The following CLYBL variants were observed in gnomAD, a reference collection of about 807,000 sequenced individuals.
The protein encoded by CLYBL is citramalyl-CoA lyase.
Under a neutral mutation model 38.9 loss-of-function variants are expected in CLYBL, and 31 were observed. The observed-to-expected ratio is 0.80, with a 90% confidence interval of 0.60 to 1.08. The LOEUF is 1.08. Ranked by LOEUF, CLYBL falls within the 50% of genes least tolerant of loss-of-function variation. The probability of loss-of-function intolerance (pLI) is 0.00; values close to 1 mark genes in which losing one functional copy is unlikely to be tolerated. For synonymous variants in CLYBL, 171 were observed against 158.6 expected (o/e 1.08, Z -0.59); for missense variants, 434 against 411.6 (o/e 1.05, Z -0.47).
chr13:99,813,122 C>G (rs1245173505), intron 2 of CLYBL, among the ~76,000 whole-genome samples: 1 of 151,976 alleles, frequency 6.6e-6, no homozygotes, highest in Non-Finnish European at 1.5e-5. Flanking sequence ...AATGGTGAAC[C>G]ATTTTTATTT....
chr13:99,717,436 GAAAAA>G (rs1172721313), intron 1 of CLYBL, among the ~76,000 whole-genome samples: 65 of 91,112 alleles, frequency 7.1e-4, no homozygotes, highest in African/African-American at 2.5e-3. Context: ...AAAAAAATTA[GAAAAA>G]AAAAAAAAAA....
chr13:99,636,377 C>A (rs573739903), intron 1 of CLYBL, among the ~76,000 whole-genome samples: 1 of 152,264 alleles, frequency 6.6e-6, no homozygotes, highest in South Asian at 2.1e-4. Flanking sequence ...GAAAGGTCAC[C>A]TGTTAGCTCC....
chr13:99,740,167 C>T (rs775547840), intron 1 of CLYBL, among the ~76,000 whole-genome samples: 4 of 152,138 alleles, frequency 2.6e-5, no homozygotes, highest in Non-Finnish European at 4.4e-5. Flanking sequence ...GAAATTTGTA[C>T]GTGCCCAGGA....
At chr13:99,863,531 GAGA>G (rs1321198424) in intron 4 of CLYBL, among the ~76,000 whole-genome samples, 1 of 152,206 alleles carries the variant, frequency 6.6e-6, no homozygotes, top group African/African-American at 2.4e-5. Flanking sequence ...ATGTCTAGCA[GAGA>G]AGATTATTGT....
At chr13:99,748,434 T>G (rs1371173651) in intron 1 of CLYBL, among the ~76,000 whole-genome samples, 10 of 127,088 alleles carry the variant, frequency 7.9e-5, no homozygotes, top group African/African-American at 2.5e-4. Flanking sequence ...TTTGTGTTTT[T>G]TTTTTTTTTT....
intron 2 of CLYBL, among the ~76,000 whole-genome samples, chr13:99,782,615 C>T (rs1325082283): frequency 6.6e-6 from 1 of 152,126 alleles, no homozygotes; most frequent in Non-Finnish European, 1.5e-5. Context: ...GGATACATTT[C>T]AACAAAAGTC....
chr13:99,866,218 T>C (rs983024991), intron 5 of CLYBL, 22 bp from the exon 6 acceptor site: 2 of 1,611,062 alleles, frequency 1.2e-6, no homozygotes, highest in Admixed American at 1.7e-5. Flanking sequence ...GCCTCCTTTT[T>C]CTGTTAACAT....
chr13:99,755,786 G>A (rs1038672244), intron 1 of CLYBL, among the ~76,000 whole-genome samples: 8 of 152,152 alleles, frequency 5.3e-5, no homozygotes, highest in Admixed American at 1.3e-4. Context: ...TGCCTCTCTA[G>A]TCACTGTCAC....
At chr13:99,755,193 G>A (rs772770111) in intron 1 of CLYBL, among the ~76,000 whole-genome samples, 1 of 152,132 alleles carries the variant, frequency 6.6e-6, no homozygotes, top group Non-Finnish European at 1.5e-5. Flanking sequence ...CACCGCGCCC[G>A]GCCCTAGATG....
intron 1 of CLYBL, among the ~76,000 whole-genome samples, chr13:99,628,809 A>G (rs1258742129): frequency 6.6e-6 from 1 of 152,196 alleles, no homozygotes; most frequent in Non-Finnish European, 1.5e-5. Context: ...AGGCAGGTAC[A>G]ATGGCCAGTT....
At chr13:99,647,449 C>G (rs367591755) in intron 1 of CLYBL, among the ~76,000 whole-genome samples, 1 of 151,580 alleles carries the variant, frequency 6.6e-6, no homozygotes, top group African/African-American at 2.4e-5. Flanking sequence ...CCCCCCATCA[C>G]AACTCCATAG....
Position 99,816,920 on chromosome 13 carries a change from C to G in CLYBL, c.250-41941C>G, listed in dbSNP as rs544530294. The stretch of plus-strand genomic sequence containing the variant: ...GGGGCTTCATGGAAGTGGTGGGGAG[C>G]CTGAACGTGCGCTGCGGATAGGGTT... On this transcript the variant is annotated intron_variant, in intron 2 of 8. Transcript: ENST00000339105. Among the ~76,000 whole-genome samples the G allele has an allele frequency of 4.6e-5, 7 of 152,328 alleles. No individual in the cohort carries two copies. In the South Asian group the frequency reaches 1.2e-3, roughly 27 times the overall value.
chr13:99,697,937 C>T (rs2048005097), intron 1 of CLYBL, among the ~76,000 whole-genome samples: 1 of 152,024 alleles, frequency 6.6e-6, no homozygotes, highest in African/African-American at 2.4e-5. Flanking sequence ...CGTGAGCCAC[C>T]CCACCGGGCC....
At chr13:99,862,082 CAACT>C (rs2051616877) in intron 3 of CLYBL, among the ~76,000 whole-genome samples, 1 of 152,106 alleles carries the variant, frequency 6.6e-6, no homozygotes, top group Non-Finnish European at 1.5e-5. Context: ...ATGATTTACC[CAACT>C]GAGACTGAAT....
chr13:99,724,535 GA>G (rs200553773), intron 1 of CLYBL, among the ~76,000 whole-genome samples: 16,945 of 139,876 alleles, frequency 0.12, 1,430 homozygotes, highest in East Asian at 0.44. Context: ...TGGAGAAGAT[GA>G]AAAAAAAAAA....
rs190870021 is a variant in CLYBL at position 99,805,301 on chromosome 13, C to T, written c.249+32291C>T. On this transcript the variant is annotated intron_variant, in intron 2 of 8. Coordinates refer to ENST00000339105, the MANE Select transcript of CLYBL (RefSeq NM_206808.5). ...CCAGAAGTGGGATTGCTGGATCATC[C>T]GGTAGTTCTTTGTTTAATTTTTTGA... Among the ~76,000 whole-genome samples the T allele has an allele frequency of 3.3e-3, 499 of 152,184 alleles. 3 individuals are homozygous for T. Among genetic ancestry groups the T allele is most frequent in the African/African-American group, 9.4e-3 (390 of 41,524 alleles).
chr13:99,871,675 T>TG (rs1160720320), intron 7 of CLYBL, among the ~76,000 whole-genome samples: 3 of 152,182 alleles, frequency 2.0e-5, no homozygotes, highest in Admixed American at 6.5e-5. Flanking sequence ...ATGTAAATAT[T>TG]GCAGTGGTAA....
At chr13:99,627,643 T>TA (rs1302352120) in intron 1 of CLYBL, among the ~76,000 whole-genome samples, 1 of 152,250 alleles carries the variant, frequency 6.6e-6, no homozygotes, top group Non-Finnish European at 1.5e-5. Flanking sequence ...TGAACTGTTT[T>TA]TCACACTTGG....
intron 1 of CLYBL, among the ~76,000 whole-genome samples, chr13:99,703,395 G>C (rs564848450): frequency 1.4e-4 from 21 of 151,954 alleles, no homozygotes; most frequent in Admixed American, 1.2e-3. Flanking sequence ...TTTTGAGATG[G>C]AGTCTCACTC....
Sources: gnomAD v4.1 joint callset for allele counts (sites outside exome capture counted in the v4.1 genomes callset) on GRCh38, gnomAD v4.1.1 for gene constraint, MANE v1.5 for transcripts, NCBI Gene and HGNC (gene_info 2026-07-23, HGNC 2026-07-21) for gene names.